The following ARHGAP10 variants were observed in gnomAD, a reference collection of about 807,000 sequenced individuals.
The protein encoded by ARHGAP10 is rho GTPase-activating protein 10.
In ARHGAP10, 87 loss-of-function variants were observed where a neutral mutation model predicts 108.6. That is an observed-to-expected ratio of 0.80 (90% CI 0.67 to 0.96). The LOEUF is 0.96. ARHGAP10 is among the 40% of genes least tolerant of loss of function. The pLI, the probability that ARHGAP10 is intolerant of heterozygous loss-of-function variation, is 0.00. For synonymous variants in ARHGAP10, 347 were observed against 341.1 expected, an observed-to-expected ratio of 1.02 and a Z score of -0.19; for missense variants, 939 against 954.5, an observed-to-expected ratio of 0.98 and a Z score of 0.21.
At chr4:147,819,510 CT>C (rs1042304397) in intron 1 of ARHGAP10, among the ~76,000 whole-genome samples, 2 of 151,452 alleles carry the variant, frequency 1.3e-5, no homozygotes, top group Non-Finnish European at 2.9e-5. Context: ...CCTATTATAT[CT>C]TTTTTTATTT....
intron 4 of ARHGAP10, among the ~76,000 whole-genome samples, chr4:147,855,790 G>T (rs911659038): frequency 6.6e-6 from 1 of 151,870 alleles, no homozygotes; most frequent in African/African-American, 2.4e-5. Flanking sequence ...CCATCAGTGT[G>T]GGGGAGTTAA....
At chr4:148,050,005 T>C (rs1729061458) in intron 20 of ARHGAP10, among the ~76,000 whole-genome samples, 1 of 151,988 alleles carries the variant, frequency 6.6e-6, no homozygotes, top group African/African-American at 2.4e-5. Context: ...GTAGCTGGGA[T>C]TACAGGCACG....
At chr4:147,764,937 G>C (rs1207078095) in intron 1 of ARHGAP10, among the ~76,000 whole-genome samples, 1 of 152,112 alleles carries the variant, frequency 6.6e-6, no homozygotes, top group Non-Finnish European at 1.5e-5. Flanking sequence ...GTAATATTTT[G>C]GGCCATGGAA....
intron 3 of ARHGAP10, among the ~76,000 whole-genome samples, chr4:147,831,236 C>G (rs977020028): frequency 6.6e-6 from 1 of 152,138 alleles, no homozygotes; most frequent in Non-Finnish European, 1.5e-5. Flanking sequence ...ATGACTGTGT[C>G]CCTGTCAGGA....
intron 19 of ARHGAP10, among the ~76,000 whole-genome samples, chr4:148,042,865 C>T (rs1728693072): frequency 6.6e-6 from 1 of 152,164 alleles, no homozygotes; most frequent in African/African-American, 2.4e-5. Flanking sequence ...GAATCCAAAA[C>T]TGTGTGCAGG....
intron 1 of ARHGAP10, among the ~76,000 whole-genome samples, chr4:147,785,175 G>T (rs1385197833): frequency 6.7e-6 from 1 of 148,644 alleles, no homozygotes; most frequent in Non-Finnish European, 1.5e-5. Flanking sequence ...ACTTAACATT[G>T]AAACAGAGTT....
At position 147,843,182 on chromosome 4, in the gene ARHGAP10, A is replaced by G. The variant is rs556409733; in HGVS notation, c.313-3969A>G. ...CGTATGACAGGCCAACCCTCCATGC[A>G]TGCTCAGCATCCCATCTCCTCCCGT... On this transcript the variant is annotated intron_variant, in intron 3 of 22. Transcript: ENST00000336498. Among the ~76,000 whole-genome samples the G allele has an allele frequency of 1.6e-3, 242 of 152,320 alleles. 2 individuals carry two copies. The highest frequency in any genetic ancestry group is 3.4e-3 in the Middle Eastern group (1 of 294).
chr4:147,818,589 AGTTT>A (rs1356487107), intron 1 of ARHGAP10, among the ~76,000 whole-genome samples: 1 of 148,096 alleles, frequency 6.8e-6, no homozygotes, highest in Non-Finnish European at 1.5e-5. Context: ...AAAAAAAGTT[AGTTT>A]GTTAGTTTCC....
At chr4:147,793,369 A>G (rs1009293336) in intron 1 of ARHGAP10, among the ~76,000 whole-genome samples, 1 of 151,796 alleles carries the variant, frequency 6.6e-6, no homozygotes, top group African/African-American at 2.4e-5. Flanking sequence ...TTCTGGAAAG[A>G]ATACCCAGGA....
chr4:147,815,298 T>C (rs1732192132), intron 1 of ARHGAP10, among the ~76,000 whole-genome samples: 2 of 152,202 alleles, frequency 1.3e-5, no homozygotes, highest in Non-Finnish European at 2.9e-5. Flanking sequence ...TAACCGAATC[T>C]ACAAACGTAA....
intron 9 of ARHGAP10, among the ~76,000 whole-genome samples, chr4:147,881,011 C>T (rs1158073023): frequency 3.3e-5 from 5 of 152,308 alleles, no homozygotes; most frequent in East Asian, 3.9e-4. Flanking sequence ...CACTGGCTCA[C>T]GCCTGTAATC....
chr4:147,838,536 C>A (rs892789762), intron 3 of ARHGAP10, among the ~76,000 whole-genome samples: 2 of 65,478 alleles, frequency 3.1e-5, no homozygotes, highest in Admixed American at 3.6e-4. Flanking sequence ...TCCATGATTT[C>A]TCTTCCTCCT....
intron 13 of ARHGAP10, among the ~76,000 whole-genome samples, chr4:147,927,204 T>C (rs1288653153): frequency 6.6e-6 from 1 of 152,146 alleles, no homozygotes. Flanking sequence ...AGTTTAAAAG[T>C]TTGAGAGTAC....
In ARHGAP10 at chr4:147,755,936, G is replaced by A. The variant is rs567546434; in HGVS notation, c.154+23481G>A. Among the ~76,000 whole-genome samples the A allele has an allele frequency of 5.3e-5, 8 of 152,216 alleles. No homozygotes were observed. The South Asian group carries it at 1.2e-3, about 24-fold the overall frequency. ...AATGAATGTAACAGAAGAGCTGCAT[G>A]TAACAGAATAGCCAGTTATCAACTG... On this transcript the variant is annotated intron_variant, in intron 1 of 22. Transcript: ENST00000336498.
At chr4:148,023,662 T>G (rs1471213428) in intron 19 of ARHGAP10, among the ~76,000 whole-genome samples, 1 of 152,232 alleles carries the variant, frequency 6.6e-6, no homozygotes, top group African/African-American at 2.4e-5. Flanking sequence ...AATTTCTTTT[T>G]TGGGAGACTT....
chr4:147,739,537 A>G (rs1728566384), intron 1 of ARHGAP10, among the ~76,000 whole-genome samples: 1 of 152,190 alleles, frequency 6.6e-6, no homozygotes, highest in Admixed American at 6.5e-5. Flanking sequence ...CATGCTGGAA[A>G]TCCTAACAGC....
intron 19 of ARHGAP10, among the ~76,000 whole-genome samples, chr4:148,037,388 A>G (rs1310074065): frequency 2.6e-5 from 4 of 152,202 alleles, no homozygotes; most frequent in Non-Finnish European, 5.9e-5. Flanking sequence ...GTTAAAACAG[A>G]ATGCCATACA....
At chr4:147,888,307 C>A (rs1210942611) in intron 10 of ARHGAP10, among the ~76,000 whole-genome samples, 1 of 152,192 alleles carries the variant, frequency 6.6e-6, no homozygotes, top group Non-Finnish European at 1.5e-5. Context: ...TGACCTCCAG[C>A]TTCTTATATC....
chr4:147,903,219 G>A (rs1459026807), intron 10 of ARHGAP10, among the ~76,000 whole-genome samples: 1 of 152,194 alleles, frequency 6.6e-6, no homozygotes, highest in Non-Finnish European at 1.5e-5. Context: ...GCTGATCTTA[G>A]CTCCTCCAGA....
Sources: gnomAD v4.1 joint callset for allele counts (sites outside exome capture counted in the v4.1 genomes callset) on GRCh38, gnomAD v4.1.1 for gene constraint, MANE v1.5 for transcripts, NCBI Gene and HGNC (gene_info 2026-07-23, HGNC 2026-07-21) for gene names.